CNTRL: variants seen among roughly 807,000 people sequenced by gnomAD.
The protein encoded by CNTRL is 110 kDa centrosomal protein.
A neutral mutation model predicts 303.7 loss-of-function variants in CNTRL; 233 were observed. The ratio of observed to expected loss-of-function variants is 0.77; its 90% confidence interval spans 0.69 to 0.86. The LOEUF is 0.86. Ranked by LOEUF, CNTRL falls within the 40% of genes least tolerant of loss-of-function variation. The pLI is 0.00. For synonymous variants in CNTRL, 900 were observed against 922.2 expected (o/e 0.98, Z 0.44); for missense variants, 2,524 against 2,650.6 (o/e 0.95, Z 1.05).
intron 38 of CNTRL, among the ~76,000 whole-genome samples, chr9:121,168,782 G>A (rs761271629): frequency 1.3e-5 from 2 of 152,148 alleles, no homozygotes; most frequent in Admixed American, 6.5e-5. Context: ...TGAAGTTGAC[G>A]TGGGAATCCA....
chr9:121,169,459 T>G, intron 38 of CNTRL, 152 bp from the exon 39 acceptor site: 1 of 717,778 alleles, frequency 1.4e-6, no homozygotes, highest in East Asian at 2.7e-5. Context: ...GCCTTTGGTG[T>G]GGGTCAGGGT....
In CNTRL at chr9:121,113,695, T is replaced by C; in HGVS notation, c.1316T>C (p.Leu439Pro). Residue 439 changes from leucine (L) to proline (P), a missense_variant, in exon 10 of 44, where the codon CTG becomes CCG. Transcript: ENST00000373855. Reference sequence around the variant, plus strand: ...GGCCACACACCACTGGACACGCAACTGGAAGACAAAGAAAAAAAAATAAGT... The same window carrying C: ...GGCCACACACCACTGGACACGCAACCGGAAGACAAAGAAAAAAAAATAAGT... ...LRGHTPLDTQ[L>P]EDKEKKISAA... is the part of the protein sequence containing the mutation. 6.5e-7 allele frequency: 1 copy of C among 1,539,888 alleles called. No individual in the cohort carries two copies. The highest frequency in any genetic ancestry group is 8.7e-7 in the Non-Finnish European group (1 of 1,152,420).
At chr9:121,090,240 C>G (rs773709818) in intron 3 of CNTRL, 35 bp from the exon 4 acceptor site, 5 of 1,545,168 alleles carry the variant, frequency 3.2e-6, no homozygotes, top group Non-Finnish European at 2.6e-6. Context: ...TCATGTCTTT[C>G]CTCTACTGAT....
intron 24 of CNTRL, among the ~76,000 whole-genome samples, chr9:121,149,290 C>T (rs1298626990): frequency 6.6e-6 from 1 of 152,192 alleles, no homozygotes; most frequent in Non-Finnish European, 1.5e-5. Flanking sequence ...AAATCTTTTT[C>T]ACTTATTAGC....
chr9:121,123,800 G>A, intron 12 of CNTRL, 131 bp from the exon 13 acceptor site: 1 of 631,992 alleles, frequency 1.6e-6, no homozygotes, highest in East Asian at 3.2e-5. Context: ...AAACAATATA[G>A]GGCCTGACAC....
At chr9:121,097,817 G>C (rs1042936516) in intron 6 of CNTRL, among the ~76,000 whole-genome samples, 6 of 152,122 alleles carry the variant, frequency 3.9e-5, no homozygotes, top group African/African-American at 1.4e-4. Flanking sequence ...ATTTGACATT[G>C]GCATTATGAA....
In CNTRL at chr9:121,114,944, ATTAC is replaced by A. The variant is rs1180657951; in HGVS notation, c.1346-144_1346-141del. 5.1e-5 allele frequency: 27 copies of A among 532,728 alleles called. No individual in the cohort carries two copies. The East Asian group carries it at 7.4e-4, about 15-fold the overall frequency. 33.0% of individuals were successfully genotyped at this position (532,728 alleles called of 1,614,324 possible). A position where few individuals can be genotyped will look rare whatever the true frequency, so the allele number is the denominator to read the frequency against. On this transcript the variant is annotated intron_variant, in intron 10 of 43. Transcript: ENST00000373855. ...AAATAGACAAAAGCGATCATAAGTA[ATTAC>A]TTTAAAATTTTTTTGTGAGATATAA...
At chr9:121,171,310 A>T (rs938178752) in intron 39 of CNTRL, 98 bp from the exon 40 acceptor site, 1 of 1,341,934 alleles carries the variant, frequency 7.5e-7, no homozygotes, top group African/African-American at 1.4e-5. Context: ...GCTGAGGCCC[A>T]GAAGGGGAAT....
rs1351999402 is a variant in CNTRL at position 121,160,192 on chromosome 9, A to G, written c.4979A>G (p.Asn1660Ser). The G allele has an allele frequency of 6.5e-7, 1 of 1,550,116 alleles. No individual in the cohort carries two copies. Among genetic ancestry groups the G allele is most frequent in the East Asian group, 2.4e-5 (1 of 41,978 alleles). Residue 1660 changes from asparagine to serine, a missense_variant, in exon 32 of 44, where the codon AAT becomes AGT. By Grantham distance (46) the Asn-to-Ser change is conservative. Transcript: ENST00000373855. Reference protein sequence around the residue: ...EELSFQKGELNVQISERKTQL... With the variant: ...EELSFQKGELSVQISERKTQL... ...CTGAGTTTTCAGAAAGGAGAACTAA[A>G]TGTTCAGATTAGTGAAAGAAAAACT... is the stretch of plus-strand genomic sequence containing the variant.
At chr9:121,147,177 A>T (rs1184064032) in intron 23 of CNTRL, among the ~76,000 whole-genome samples, 2 of 151,964 alleles carry the variant, frequency 1.3e-5, no homozygotes, top group South Asian at 4.2e-4. Context: ...TAATTTTTAG[A>T]TTTTTAGTAG....
Position 121,166,179 on chromosome 9 carries a change from AGG to A in CNTRL, c.5655_5655+1del. On this transcript the variant is annotated splice_donor_variant and coding_sequence_variant, in exon 36 of 44. Coordinates refer to ENST00000373855, the MANE Select transcript of CNTRL (RefSeq NM_007018.6). LOFTEE classifies it high-confidence loss of function. ...CAAGACCATTTGAACCTAGCAAAACAGGTAAGGTTAACAAATGTAATATTCTA... is the reference window on the plus strand; with the variant it reads ...CAAGACCATTTGAACCTAGCAAAACATAAGGTTAACAAATGTAATATTCTA... 1 of 1,606,910 alleles carries A rather than the reference AGG, an allele frequency of 6.2e-7. No individual in the cohort carries two copies.
At chr9:121,125,402 G>T (rs1358354845) in intron 13 of CNTRL, among the ~76,000 whole-genome samples, 3 of 151,904 alleles carry the variant, frequency 2.0e-5, no homozygotes, top group African/African-American at 4.8e-5. Context: ...CTCATGATCC[G>T]CCTGCCTTGG....
intron 8 of CNTRL, among the ~76,000 whole-genome samples, chr9:121,109,667 T>C (rs529727148): frequency 2.6e-5 from 4 of 152,130 alleles, no homozygotes; most frequent in Non-Finnish European, 4.4e-5. Flanking sequence ...ACCGTGTAAT[T>C]TGCATTTAAA....
At chr9:121,130,114 G>T (rs779646151) in intron 14 of CNTRL, among the ~76,000 whole-genome samples, 1 of 152,144 alleles carries the variant, frequency 6.6e-6, no homozygotes, top group Admixed American at 6.6e-5. Flanking sequence ...TTGTGTCTCT[G>T]CCAGGCTTTG....
rs149900821 is a variant in CNTRL, at chr9:121,171,488, C to G, written c.6357C>G (p.Ala2119=). Residue 2119 remains alanine (A), a synonymous_variant, in exon 40 of 44, where the codon GCC becomes GCG. Transcript: ENST00000373855. ...ELVAQDNHER[A]RRLMKELNQM... is the part of the protein sequence containing the mutation. The stretch of plus-strand genomic sequence containing the variant: ...TAGCCCAGGACAACCATGAGCGGGC[C>G]AGGCGCCTGATGAAGGAGCTCAACC... 1.1e-5 allele frequency: 17 copies of G among 1,614,078 alleles called. No individual in the cohort carries two copies. The East Asian group carries it at 3.8e-4, about 36-fold the overall frequency.
At chr9:121,159,104 A>C in intron 31 of CNTRL, 85 bp downstream of exon 31, 1 of 1,323,352 alleles carries the variant, frequency 7.6e-7, no homozygotes, top group Non-Finnish European at 1.0e-6. Context: ...TTCTCCCCAA[A>C]TGAAAATATA....
chr9:121,143,957 C>CTGAA lies in CNTRL; in HGVS notation c.2927_2930dup (p.Lys977AsnfsTer12), dbSNP rs2051680283. 6.2e-7 allele frequency: 1 copy of CTGAA among 1,613,012 alleles called. No homozygotes were observed. The highest frequency in any genetic ancestry group is 8.5e-7 in the Non-Finnish European group (1 of 1,179,672). On this transcript the variant is annotated frameshift_variant, in exon 20 of 44. Transcript: ENST00000373855. LOFTEE classifies it high-confidence loss of function. The stretch of plus-strand genomic sequence containing the variant: ...GCAAGTTTTTGGTTTAGATAAAGAA[C>CTGAA]TGAAGAAACTAAAGAAAGCCGTGGC...
chr9:121,097,037 G>A (rs1454291083), intron 6 of CNTRL, among the ~76,000 whole-genome samples: 2 of 151,796 alleles, frequency 1.3e-5, no homozygotes, highest in Non-Finnish European at 2.9e-5. Context: ...ATAATGTTAG[G>A]TGTTATAGGA....
chr9:121,150,639 A>C, intron 25 of CNTRL, 156 bp downstream of exon 25: 1 of 700,930 alleles, frequency 1.4e-6, no homozygotes, highest in Admixed American at 2.9e-5. Context: ...TCTCTTATTA[A>C]AATTCTCTTA....
Sources: gnomAD v4.1 joint callset for allele counts (sites outside exome capture counted in the v4.1 genomes callset) on GRCh38, gnomAD v4.1.1 for gene constraint, MANE v1.5 for transcripts, NCBI Gene and HGNC (gene_info 2026-07-23, HGNC 2026-07-21) for gene names.